The following SETD5 variants were observed in gnomAD, a reference collection of about 807,000 sequenced individuals.
SETD5 encodes SET domain containing 5.
A neutral mutation model predicts 153.3 loss-of-function variants in SETD5; 44 were observed. The observed-to-expected ratio is 0.29, with a 90% CI of 0.23 to 0.37. SETD5 has a LOEUF of 0.37. Ranked by LOEUF, SETD5 falls within the 10% of genes least tolerant of loss-of-function variation. SETD5 has a pLI of 1.00. For synonymous variants in SETD5, 716 were observed against 645.2 expected, an observed-to-expected ratio of 1.11 and a Z score of -1.66; for missense variants, 1,544 against 1,768.0, an observed-to-expected ratio of 0.87 and a Z score of 2.27.
chr3:9,466,506 A>T (rs1366198029), intron 18 of SETD5, among the ~76,000 whole-genome samples: 4 of 152,078 alleles, frequency 2.6e-5, no homozygotes, highest in African/African-American at 9.7e-5. Flanking sequence ...CCAGGAGGGA[A>T]GGAAAATATT....
At chr3:9,473,122 C>A in intron 19 of SETD5, 114 bp from the exon 20 acceptor site, 1 of 1,291,604 alleles carries the variant, frequency 7.7e-7, no homozygotes, top group Non-Finnish European at 1.0e-6. Flanking sequence ...GTTTGCGTGG[C>A]TTGGCTAGTG....
intron 4 of SETD5, 23 bp downstream of exon 4, chr3:9,433,973 C>T: frequency 1.2e-5 from 19 of 1,613,168 alleles, no homozygotes; most frequent in Non-Finnish European, 1.6e-5. Flanking sequence ...TTGTTTCTCT[C>T]CAGAACAGTG....
Position 9,448,020 on chromosome 3 carries a change from G to T in SETD5, c.2103+14G>T. 1 of 1,606,100 alleles carries T rather than the reference G, an allele frequency of 6.2e-7. No homozygotes were observed. The highest frequency in any genetic ancestry group is 8.5e-7 in the Non-Finnish European group (1 of 1,174,930). On this transcript the variant is annotated intron_variant, in intron 15 of 22. Transcript: ENST00000402198. ...AAAACCAAAAAGGTAAGTCACAAATGCATCCTTTATAAGTCCAGTCTGGCA... is the reference window on the plus strand; with the variant it reads ...AAAACCAAAAAGGTAAGTCACAAATTCATCCTTTATAAGTCCAGTCTGGCA...
At position 9,474,541 on chromosome 3, in the gene SETD5, C is replaced by A; in HGVS notation, c.3590C>A (p.Pro1197His). The change falls in exon 21 of 23, where the codon CCC becomes CAC. Residue 1197 changes from proline to histidine, a missense_variant. Pro to His is a moderately conservative substitution (Grantham distance 77). Coordinates refer to ENST00000402198, the MANE Select transcript of SETD5 (RefSeq NM_001080517.3). ...SSVRVAQKGE[P>H]SPTWESNITE... ...GTGAGGGTGGCCCAAAAGGGAGAGCCCTCTCCCACATGGGAGAGTAACATC... is the reference window on the plus strand; with the variant it reads ...GTGAGGGTGGCCCAAAAGGGAGAGCACTCTCCCACATGGGAGAGTAACATC... The A allele has an allele frequency of 6.2e-7, 1 of 1,613,824 alleles. No homozygotes were observed. The highest frequency in any genetic ancestry group is 8.5e-7 in the Non-Finnish European group (1 of 1,179,820).
At chr3:9,426,208 A>T (rs1430304679) in intron 2 of SETD5, 5 of 68,456 alleles carry the variant, frequency 7.3e-5, no homozygotes, top group African/African-American at 2.4e-4. Flanking sequence ...AAAGTTCATC[A>T]GTCCCTTTTT....
chr3:9,435,061 A>G (rs931813541), intron 6 of SETD5, among the ~76,000 whole-genome samples, 179 bp downstream of exon 6: 13 of 152,090 alleles, frequency 8.5e-5, no homozygotes, highest in African/African-American at 1.4e-4. Context: ...CCTGACCAAC[A>G]TGGAGAAACC....
Position 9,448,427 on chromosome 3 carries a change from C to G in SETD5, c.2143C>G (p.Gln715Glu), listed in dbSNP as rs925484505. 22 of 1,613,842 alleles carry G rather than the reference C, an allele frequency of 1.4e-5. 1 individual carries two copies. In the Admixed American group the frequency reaches 3.7e-4, roughly 27 times the overall value. The change falls in exon 16 of 23, where the codon CAA becomes GAA. Residue 715 changes from glutamine (Q) to glutamate (E), a missense_variant. By Grantham distance (29) the Gln-to-Glu change is conservative. Around this residue, in one of 9 missense-constraint regions of SETD5, gnomAD observed 782 missense variants for 787.2 expected, o/e 0.99. Transcript: ENST00000402198. ...ATGGTTGAATGACAAAGCAGAGAAG[C>G]AAGAGTGCCCTGTTGAGTGCCCTTT... ...TEWLNDKAEK[Q>E]ECPVECPLRI...
chr3:9,463,596 T>A (rs575937857), intron 17 of SETD5, among the ~76,000 whole-genome samples: 187 of 152,300 alleles, frequency 1.2e-3, no homozygotes, highest in South Asian at 0.012. Context: ...GTGAACCTAA[T>A]TTTTTAATGG....
intron 1 of SETD5, among the ~76,000 whole-genome samples, chr3:9,417,483 C>CTT (rs397874333): frequency 1.0e-4 from 15 of 144,028 alleles, no homozygotes; most frequent in Non-Finnish European, 1.5e-4. Flanking sequence ...ATAGATAAGT[C>CTT]TTTTTTTTTT....
chr3:9,438,551 A>G (rs1200571417), intron 7 of SETD5, among the ~76,000 whole-genome samples: 1 of 152,180 alleles, frequency 6.6e-6, no homozygotes, highest in Non-Finnish European at 1.5e-5. Flanking sequence ...AGTCATTTTG[A>G]TTCTTTTAAT....
At chr3:9,417,942 G>GTTTT (rs777339095) in intron 1 of SETD5, among the ~76,000 whole-genome samples, 48 of 128,798 alleles carry the variant, frequency 3.7e-4, no homozygotes, top group African/African-American at 1.2e-3. Context: ...CAAGAGTTTT[G>GTTTT]TTTTTTTTTT....
intron 1 of SETD5, among the ~76,000 whole-genome samples, chr3:9,412,798 C>T (rs998087290): frequency 7.3e-5 from 11 of 151,436 alleles, no homozygotes; most frequent in African/African-American, 2.4e-4. Flanking sequence ...CTGGGGTTTG[C>T]TTTAGATAGA....
chr3:9,443,928 G>A (rs574501073), intron 11 of SETD5, among the ~76,000 whole-genome samples: 60 of 152,258 alleles, frequency 3.9e-4, no homozygotes, highest in Middle Eastern at 3.4e-3. Flanking sequence ...TGGGCGTGGC[G>A]GCACACGCCT....
chr3:9,460,320 A>G (rs1208867628), intron 17 of SETD5, among the ~76,000 whole-genome samples: 2 of 151,942 alleles, frequency 1.3e-5, no homozygotes, highest in African/African-American at 4.8e-5. Flanking sequence ...TGTGGTATAT[A>G]TAGATGAAGA....
At chr3:9,466,892 A>G (rs982166468) in intron 18 of SETD5, among the ~76,000 whole-genome samples, 5 of 152,072 alleles carry the variant, frequency 3.3e-5, no homozygotes, top group African/African-American at 1.2e-4. Context: ...AGCCAGGTGT[A>G]GTGGCATATA....
At chr3:9,453,326 C>G (rs1407715983) in intron 16 of SETD5, among the ~76,000 whole-genome samples, 2 of 152,114 alleles carry the variant, frequency 1.3e-5, no homozygotes, top group Non-Finnish European at 2.9e-5. Flanking sequence ...TAGCACGGGG[C>G]AGACAACTTT....
rs1475256332 is a variant in SETD5 at position 9,470,589 on chromosome 3, C to T, written c.2855C>T (p.Pro952Leu). The T allele has an allele frequency of 5.0e-6, 8 of 1,613,960 alleles. No individual in the cohort carries two copies. The South Asian group carries it at 7.7e-5, about 16-fold the overall frequency. Residue 952 changes from proline to leucine, a missense_variant, in exon 19 of 23, where the codon CCC becomes CTC. Pro to Leu is a moderately conservative substitution (Grantham distance 98, BLOSUM62 -3). Around this residue, in one of 9 missense-constraint regions of SETD5, gnomAD observed 782 missense variants for 787.2 expected, o/e 0.99. Coordinates refer to ENST00000402198, the MANE Select transcript of SETD5 (RefSeq NM_001080517.3). ...SDLAPHPSLG[P>L]TSETGFPSRS... ...CTGGCTCCTCATCCCTCCCTCGGAC[C>T]CACTTCTGAGACTGGTTTCCCAAGC...
At chr3:9,456,752 A>C (rs2043298650) in intron 17 of SETD5, among the ~76,000 whole-genome samples, 1 of 152,104 alleles carries the variant, frequency 6.6e-6, no homozygotes, top group Non-Finnish European at 1.5e-5. Flanking sequence ...AGGCGGGCAG[A>C]TCACGAGGTG....
intron 21 of SETD5, chr3:9,474,838 T>C: frequency 1.6e-6 from 1 of 623,998 alleles, no homozygotes; most frequent in Non-Finnish European, 2.7e-6. Flanking sequence ...CCTGGAAATC[T>C]ACCTCGATGA....
Sources: gnomAD v4.1 joint callset for allele counts (sites outside exome capture counted in the v4.1 genomes callset) on GRCh38, gnomAD v4.1.1 for gene constraint, gnomAD v4.1.1 regional missense constraint, MANE v1.5 for transcripts, NCBI Gene and HGNC (gene_info 2026-07-23, HGNC 2026-07-21) for gene names.